Variants in NAALADL2 observed in about 807,000 individuals in gnomAD.
NAALADL2 encodes the protein inactive N-acetylated-alpha-linked acidic dipeptidase-like protein 2.
NAALADL2 carries 76 observed loss-of-function variants against 87.2 expected under a neutral mutation model. The observed-to-expected ratio is 0.87, with a 90% CI of 0.72 to 1.05. The LOEUF is 1.05. Ranked by LOEUF, NAALADL2 falls within the 50% of genes least tolerant of loss-of-function variation. NAALADL2 has a pLI of 0.00. For synonymous variants in NAALADL2, 354 were observed against 331.0 expected (o/e 1.07, Z -0.75); for missense variants, 1,089 against 945.8 (o/e 1.15, Z -1.99).
At chr3:175,731,962 T>C (rs1298801754) in intron 11 of NAALADL2, among the ~76,000 whole-genome samples, 4 of 152,204 alleles carry the variant, frequency 2.6e-5, no homozygotes, top group Non-Finnish European at 5.9e-5. Flanking sequence ...AGAATCCTTC[T>C]TAATTTCTTT....
At chr3:174,717,840 C>G (rs968893744) in intron 2 of NAALADL2, among the ~76,000 whole-genome samples, 2 of 152,068 alleles carry the variant, frequency 1.3e-5, no homozygotes, top group Non-Finnish European at 2.9e-5. Context: ...GAAGTTTCCT[C>G]CTTGGCCGGG....
intron 1 of NAALADL2, among the ~76,000 whole-genome samples, chr3:174,469,831 G>C (rs1196251867): frequency 6.6e-6 from 1 of 151,884 alleles, no homozygotes; most frequent in Non-Finnish European, 1.5e-5. Context: ...CAGTTCCTTT[G>C]GTATCTAAGA....
At chr3:175,123,301 C>T (rs1378317305) in intron 2 of NAALADL2, among the ~76,000 whole-genome samples, 1 of 151,884 alleles carries the variant, frequency 6.6e-6, no homozygotes, top group Non-Finnish European at 1.5e-5. Context: ...TAAGCAATGA[C>T]TAATGCAGTT....
At chr3:174,788,633 C>A (rs1268247482) in intron 3 of NAALADL2, among the ~76,000 whole-genome samples, 1 of 152,108 alleles carries the variant, frequency 6.6e-6, no homozygotes, top group African/African-American at 2.4e-5. Context: ...GCCCTATCTC[C>A]AAATACAGTA....
At chr3:175,322,147 T>C (rs1218368439) in intron 4 of NAALADL2, among the ~76,000 whole-genome samples, 1 of 150,476 alleles carries the variant, frequency 6.6e-6, no homozygotes, top group Non-Finnish European at 1.5e-5. Context: ...GAGATACAGA[T>C]CAATGGAACA....
At chr3:175,556,611 C>T (rs1164768750) in intron 9 of NAALADL2, among the ~76,000 whole-genome samples, 1 of 152,090 alleles carries the variant, frequency 6.6e-6, no homozygotes, top group Non-Finnish European at 1.5e-5. Context: ...TTAAAATTGA[C>T]ATCATTTTGC....
intron 11 of NAALADL2, among the ~76,000 whole-genome samples, chr3:175,658,187 G>A (rs987440560): frequency 1.3e-5 from 2 of 152,018 alleles, no homozygotes; most frequent in African/African-American, 4.8e-5. Context: ...ATAACCTCAA[G>A]GATGTTTTTC....
intron 13 of NAALADL2, among the ~76,000 whole-genome samples, chr3:175,777,904 C>T (rs139769219): frequency 6.6e-6 from 1 of 152,088 alleles, no homozygotes; most frequent in Non-Finnish European, 1.5e-5. Context: ...TTAAAAATTA[C>T]AAAGAATTTG....
intron 13 of NAALADL2, among the ~76,000 whole-genome samples, chr3:175,788,010 G>A (rs1752299418): frequency 6.6e-6 from 1 of 151,390 alleles, no homozygotes. Flanking sequence ...ACCACTCACT[G>A]ATTCAAACAG....
Position 174,626,291 on chromosome 3 carries a change from T to C in NAALADL2, c.-115+75654T>C, listed in dbSNP as rs576062758. Among the ~76,000 whole-genome samples the C allele has an allele frequency of 1.2e-3, 177 of 152,206 alleles. 1 individual carries two copies. Among genetic ancestry groups the C allele is most frequent in the African/African-American group, 4.0e-3 (167 of 41,572 alleles). ...ATTGTGCATGATTTTTTTCACACCCTCAATAATTCTGAGTGTTGTCATATT... is the reference window on the plus strand; with the variant it reads ...ATTGTGCATGATTTTTTTCACACCCCCAATAATTCTGAGTGTTGTCATATT... On this transcript the variant is annotated intron_variant, in intron 2 of 3. Transcript: ENST00000434257.
chr3:174,590,131 C>T (rs545121850), intron 2 of NAALADL2, among the ~76,000 whole-genome samples: 7 of 151,946 alleles, frequency 4.6e-5, no homozygotes, highest in South Asian at 2.1e-4. Context: ...TTCTCTTTTT[C>T]GTGGTCCTTC....
At chr3:175,113,409 C>T (rs1010385030) in intron 2 of NAALADL2, among the ~76,000 whole-genome samples, 1 of 151,542 alleles carries the variant, frequency 6.6e-6, no homozygotes, top group African/African-American at 2.4e-5. Flanking sequence ...TCAAAATCTC[C>T]TGCCCAATTT....
chr3:175,802,785 A>C (rs1022506164), intron 13 of NAALADL2, among the ~76,000 whole-genome samples: 1 of 151,886 alleles, frequency 6.6e-6, no homozygotes, highest in Admixed American at 6.6e-5. Context: ...GAGGCATATA[A>C]TTTCTGATCA....
At chr3:175,323,706 T>C (rs2110428039) in intron 4 of NAALADL2, among the ~76,000 whole-genome samples, 1 of 147,966 alleles carries the variant, frequency 6.8e-6, no homozygotes, top group South Asian at 2.1e-4. Context: ...TTGATAGAAA[T>C]CTAAAATCTC....
intron 11 of NAALADL2, among the ~76,000 whole-genome samples, chr3:175,632,414 T>G (rs1353207817): frequency 6.6e-6 from 1 of 151,954 alleles, no homozygotes; most frequent in Non-Finnish European, 1.5e-5. Flanking sequence ...CCTGTGGAAC[T>G]GTCACCAGAG....
chr3:174,603,373 A>G (rs1406257320), intron 2 of NAALADL2, among the ~76,000 whole-genome samples: 2 of 151,856 alleles, frequency 1.3e-5, no homozygotes, highest in African/African-American at 2.4e-5. Flanking sequence ...CATTTTCTGT[A>G]TATTTTTCAA....
rs115760550 is a variant in NAALADL2, at chr3:174,564,367, A to G, written c.-115+13730A>G. Among the ~76,000 whole-genome samples, 986 of 152,206 alleles carry G rather than the reference A, an allele frequency of 6.5e-3. 11 individuals carry two copies. The highest frequency in any genetic ancestry group is 0.022 in the African/African-American group (923 of 41,538). ...TCTTTCTAAGTTAGGACACAGAATA[A>G]AAGGAGGAGGATGTCAGTGAGGGTA... is the stretch of plus-strand genomic sequence containing the variant. On this transcript the variant is annotated intron_variant, in intron 2 of 3. Transcript: ENST00000434257.
Position 175,698,504 on chromosome 3 carries a change from A to ATATATATATATATATATATATAT in NAALADL2, c.1897-38802_1897-38801insTATATATATATATATATATATAT, listed in dbSNP as rs1278192087. On this transcript the variant is annotated intron_variant, in intron 11 of 13. Transcript: ENST00000454872. Reference sequence around the variant, plus strand: ...ATATTTATATATATATATATATATAAAATCTCCAAGCAAATTCCTATGTAC... The same window carrying ATATATATATATATATATATATAT: ...ATATTTATATATATATATATATATAATATATATATATATATATATATATAATCTCCAAGCAAATTCCTATGTAC... Among the ~76,000 whole-genome samples, 119 of 86,938 alleles carry ATATATATATATATATATATATAT rather than the reference A, an allele frequency of 1.4e-3. 6 individuals are homozygous for ATATATATATATATATATATATAT. Among genetic ancestry groups the ATATATATATATATATATATATAT allele is most frequent in the African/African-American group, 2.3e-3 (38 of 16,186 alleles). 57.0% of individuals were successfully genotyped at this position (86,938 alleles called of 152,430 possible).
intron 2 of NAALADL2, among the ~76,000 whole-genome samples, chr3:175,161,741 T>C (rs187134515): frequency 3.8e-4 from 57 of 151,008 alleles, no homozygotes; most frequent in Non-Finnish European, 4.4e-5. Context: ...AGTGCACTGG[T>C]TTTATATTCT....
Sources: allele counts gnomAD v4.1 joint callset (sites outside exome capture counted in the v4.1 genomes callset), GRCh38; gene constraint gnomAD v4.1.1; transcripts MANE v1.5; gene names NCBI Gene and HGNC (gene_info 2026-07-23, HGNC 2026-07-21).